The following OPHN1 variants were observed in gnomAD, a reference collection of about 807,000 sequenced individuals.
OPHN1 encodes oligophrenin-1.
OPHN1 carries 11 observed loss-of-function variants against 60.7 expected under a neutral mutation model. That is an observed-to-expected ratio of 0.18 (90% CI 0.11 to 0.30). The LOEUF (loss-of-function observed/expected upper bound fraction) is 0.30, where lower values mean the gene tolerates loss of function less well. OPHN1 is among the 10% of genes least tolerant of loss of function. The probability of loss-of-function intolerance (pLI) is 1.00; values close to 1 mark genes in which losing one functional copy is unlikely to be tolerated. For missense variants in OPHN1, 449 were observed against 611.0 expected (o/e 0.73, Z 2.80); for synonymous variants, 226 against 222.6 (o/e 1.02, Z -0.14).
intron 19 of OPHN1, among the ~76,000 whole-genome samples, chrX:68,081,339 G>A (rs759224363): frequency 1.8e-5 from 2 of 111,376 alleles, no homozygotes; most frequent in African/African-American, 6.5e-5. Context: ...GTAACCAGGG[G>A]CAAGAAACTT....
intron 2 of OPHN1, among the ~76,000 whole-genome samples, chrX:68,379,413 C>A (rs2078581908): frequency 1.8e-5 from 2 of 108,405 alleles, no homozygotes; most frequent in East Asian, 2.9e-4. Context: ...TAATTGAATA[C>A]CCTTTATTTC....
chrX:68,296,609 C>T (rs2147624165), intron 3 of OPHN1, among the ~76,000 whole-genome samples: 1 of 100,293 alleles, frequency 1.0e-5, no homozygotes, highest in African/African-American at 3.7e-5. Context: ...AGTGAGCCCA[C>T]TGATCTCCAG....
chrX:68,197,149 T>C, intron 12 of OPHN1, 37 bp downstream of exon 12: 1 of 1,043,432 alleles, frequency 9.6e-7, no homozygotes, highest in East Asian at 3.0e-5. Context: ...TACACTGGCA[T>C]ATGCTGGGGA....
At chrX:68,374,066 A>C (rs1020019464) in intron 2 of OPHN1, among the ~76,000 whole-genome samples, 1 of 111,819 alleles carries the variant, frequency 8.9e-6, no homozygotes, top group Non-Finnish European at 1.9e-5. Context: ...TCAGGCATCC[A>C]TAAGCACAAT....
chrX:68,432,046 C>T (rs1472752942), intron 2 of OPHN1, among the ~76,000 whole-genome samples: 2 of 110,431 alleles, frequency 1.8e-5, no homozygotes, highest in Non-Finnish European at 3.8e-5. Context: ...TCCAAGCCTC[C>T]TACCAACAAG....
chrX:68,431,486 G>A (rs890026367), intron 2 of OPHN1, among the ~76,000 whole-genome samples: 3 of 111,816 alleles, frequency 2.7e-5, no homozygotes, highest in African/African-American at 9.7e-5. Context: ...GCACGGTCTC[G>A]GCTCACTGCA....
intron 2 of OPHN1, among the ~76,000 whole-genome samples, chrX:68,393,917 A>T (rs2078668682): frequency 7.4e-5 from 1 of 13,479 alleles, no homozygotes; most frequent in Non-Finnish European, 4.9e-4. Context: ...TTTTTTTGAG[A>T]CGGAGTCTCG....
intron 5 of OPHN1, among the ~76,000 whole-genome samples, chrX:68,268,693 C>T (rs781050145): frequency 9.0e-4 from 100 of 111,314 alleles, no homozygotes; most frequent in Non-Finnish European, 1.6e-3. Flanking sequence ...GACAGGGATG[C>T]CCTCTCTCAC....
At chrX:68,159,801 T>C (rs745763227) in intron 15 of OPHN1, among the ~76,000 whole-genome samples, 1 of 110,532 alleles carries the variant, frequency 9.0e-6, no homozygotes, top group African/African-American at 3.3e-5. Flanking sequence ...GAAAATACCA[T>C]TAAAGGATTA....
rs771346310 is a variant in OPHN1, at chrX:68,045,348, A to G, written c.*1824T>C. The G allele has an allele frequency of 1.5e-3, 171 of 112,206 alleles. 1 individual carries two copies. The highest frequency in any genetic ancestry group is 5.3e-3 in the African/African-American group (164 of 30,919). The allele number at this position is 112,206 out of a possible 1,213,427, so 9.2% of individuals were successfully genotyped here. The stretch of plus-strand genomic sequence containing the variant: ...TTACATGTTCCTAACTCACCAATAA[A>G]CCATGTTTGGAATTCAGTCTTGAAA... On this transcript the variant is annotated 3_prime_UTR_variant, in exon 25 of 25. Coordinates refer to ENST00000355520, the MANE Select transcript of OPHN1 (RefSeq NM_002547.3).
chrX:68,170,661 C>T (rs992728682), intron 15 of OPHN1, among the ~76,000 whole-genome samples: 5 of 108,097 alleles, frequency 4.6e-5, no homozygotes, highest in Admixed American at 4.0e-4. Flanking sequence ...AATCATCATT[C>T]TCAGTAAACT....
chrX:68,231,298 C>T (rs374781021), intron 6 of OPHN1, among the ~76,000 whole-genome samples: 6 of 111,896 alleles, frequency 5.4e-5, no homozygotes, highest in East Asian at 2.8e-4. Flanking sequence ...AATGGTACAA[C>T]GCAGAATAGT....
At chrX:68,068,470 CAAAAAAA>C (rs61188762) in intron 20 of OPHN1, among the ~76,000 whole-genome samples, 1 of 39,791 alleles carries the variant, frequency 2.5e-5, no homozygotes, top group East Asian at 1.0e-3. Flanking sequence ...GACTCCATCT[CAAAAAAA>C]AAAAAAAAAA....
chrX:68,078,422 A>T (rs1035950971), intron 19 of OPHN1, among the ~76,000 whole-genome samples: 1 of 112,051 alleles, frequency 8.9e-6, no homozygotes, highest in African/African-American at 3.2e-5. Context: ...TAAACTTCTA[A>T]AAAAACGTTT....
chrX:68,378,176 G>A (rs1396562947), intron 2 of OPHN1, among the ~76,000 whole-genome samples: 6 of 112,192 alleles, frequency 5.3e-5, no homozygotes, highest in African/African-American at 1.3e-4. Context: ...TTTCTCTGAC[G>A]GCCAGTGATG....
Position 68,073,320 on chromosome X carries a change from T to G in OPHN1, c.1687-21A>C, listed in dbSNP as rs181866844. On this transcript the variant is annotated intron_variant, in intron 19 of 24. Transcript: ENST00000355520. Reference sequence around the variant, plus strand: ...TAGATCTGTGGAGAAAGAAGGAAGATATCTAGAGAATAATTAGATCAAGTT... The same window carrying G: ...TAGATCTGTGGAGAAAGAAGGAAGAGATCTAGAGAATAATTAGATCAAGTT... 7.6e-6 allele frequency: 9 copies of G among 1,181,051 alleles called. No individual in the cohort carries two copies. The East Asian group carries it at 2.7e-4, about 35-fold the overall frequency.
intron 5 of OPHN1, among the ~76,000 whole-genome samples, chrX:68,262,821 A>AGAAAC (rs2077900672): frequency 1.2e-5 from 1 of 85,003 alleles, no homozygotes; most frequent in East Asian, 4.4e-4. Flanking sequence ...GGACAGGACA[A>AGAAAC]GAAAGGAAAG....
At chrX:68,197,155 G>A in intron 12 of OPHN1, 31 bp downstream of exon 12, 4 of 1,109,868 alleles carry the variant, frequency 3.6e-6, no homozygotes, top group Non-Finnish European at 5.0e-6. Context: ...GGCATATGCT[G>A]GGGAGGTTTC....
rs1395479480 is a variant in OPHN1, at chrX:68,044,732, TAGACC to T, written c.*2435_*2439del. ...TTCATTCTTTGGCATTCTTAAGGTA[TAGACC>T]AGAGCAAAGGCAGAGCTACTCAGCC... On this transcript the variant is annotated 3_prime_UTR_variant, in exon 25 of 25. Coordinates refer to ENST00000355520, the MANE Select transcript of OPHN1 (RefSeq NM_002547.3). The T allele has an allele frequency of 8.9e-6, 1 of 112,612 alleles. No homozygotes were observed. Among genetic ancestry groups the T allele is most frequent in the African/African-American group, 3.2e-5 (1 of 30,982 alleles). 9.3% of individuals were successfully genotyped at this position (112,612 alleles called of 1,213,427 possible). A position where few individuals can be genotyped will look rare whatever the true frequency, so the allele number is the denominator to read the frequency against.
Sources: gnomAD v4.1 joint callset for allele counts (sites outside exome capture counted in the v4.1 genomes callset) on GRCh38, gnomAD v4.1.1 for gene constraint, MANE v1.5 for transcripts, NCBI Gene and HGNC (gene_info 2026-07-23, HGNC 2026-07-21) for gene names.